Variants in MAP3K1 observed in about 807,000 individuals in gnomAD.
MAP3K1 encodes MAP/ERK kinase kinase 1.
In MAP3K1, 36 loss-of-function variants were observed where a neutral mutation model predicts 144.2. That is an observed-to-expected ratio of 0.25 (90% CI 0.19 to 0.33). The LOEUF (loss-of-function observed/expected upper bound fraction) is 0.33, where lower values mean the gene tolerates loss of function less well. Ranked by LOEUF, MAP3K1 falls within the 10% of genes least tolerant of loss-of-function variation. The pLI, the probability that MAP3K1 is intolerant of heterozygous loss-of-function variation, is 1.00. For missense variants in MAP3K1, 1,650 were observed against 1,881.9 expected, an observed-to-expected ratio of 0.88 and a Z score of 2.28; for synonymous variants, 718 against 688.7, an observed-to-expected ratio of 1.04 and a Z score of -0.67.
intron 1 of MAP3K1, among the ~76,000 whole-genome samples, chr5:56,819,644 G>A (rs1355784939): frequency 6.6e-6 from 1 of 152,090 alleles, no homozygotes; most frequent in African/African-American, 2.4e-5. Flanking sequence ...CATCTTCTTG[G>A]GTTGAGGGCT....
At chr5:56,853,472 A>G (rs1404071265) in intron 1 of MAP3K1, among the ~76,000 whole-genome samples, 3 of 152,204 alleles carry the variant, frequency 2.0e-5, no homozygotes, top group Admixed American at 6.5e-5. Flanking sequence ...GTGATCATTC[A>G]CTTAATATAT....
At chr5:56,852,722 T>G (rs955265309) in intron 1 of MAP3K1, among the ~76,000 whole-genome samples, 4 of 152,196 alleles carry the variant, frequency 2.6e-5, no homozygotes, top group Admixed American at 2.6e-4. Flanking sequence ...TTCTGGGTAA[T>G]GTTTGGCAAA....
intron 6 of MAP3K1, among the ~76,000 whole-genome samples, chr5:56,867,820 G>A (rs1388935895): frequency 1.3e-5 from 2 of 152,152 alleles, no homozygotes; most frequent in Non-Finnish European, 2.9e-5. Context: ...GTTTCTCATA[G>A]TATTATGGTG....
chr5:56,824,116 G>T (rs779135817), intron 1 of MAP3K1, among the ~76,000 whole-genome samples: 1 of 152,084 alleles, frequency 6.6e-6, no homozygotes, highest in Non-Finnish European at 1.5e-5. Flanking sequence ...TTCCATTGAA[G>T]AAAATATTTG....
Position 56,883,518 on chromosome 5 carries a change from A to T in MAP3K1, c.3667-9A>T. ...AACAGTAAAAAGATTGCTTTCGTTT[A>T]ATATGTAGACACCAGAGACTCTACC... On this transcript the variant is annotated splice_polypyrimidine_tract_variant and intron_variant, in intron 14 of 19. Transcript: ENST00000399503. The T allele has an allele frequency of 1.9e-6, 3 of 1,613,460 alleles. No homozygotes were observed. Among genetic ancestry groups the T allele is most frequent in the Non-Finnish European group, 2.5e-6 (3 of 1,179,468 alleles).
At chr5:56,885,044 T>G (rs544348883) in intron 16 of MAP3K1, among the ~76,000 whole-genome samples, 3 of 152,232 alleles carry the variant, frequency 2.0e-5, no homozygotes, top group Non-Finnish European at 4.4e-5. Flanking sequence ...ATTTTTCCAG[T>G]GTGTTTTTAA....
At chr5:56,845,950 G>C (rs43184) in intron 1 of MAP3K1, among the ~76,000 whole-genome samples, 117,683 of 152,158 alleles carry the variant, frequency 0.77, 45,864 homozygotes, top group Non-Finnish European at 0.82. Context: ...GTTTCTCCCC[G>C]CAGGGAGATA....
At chr5:56,872,744 G>T in intron 8 of MAP3K1, 22 bp downstream of exon 8, 1 of 1,590,474 alleles carries the variant, frequency 6.3e-7, no homozygotes, top group South Asian at 1.1e-5. Flanking sequence ...GAAATGATAC[G>T]GATATGTTTA....
At chr5:56,867,481 T>C (rs1302977265) in intron 6 of MAP3K1, among the ~76,000 whole-genome samples, 1 of 151,976 alleles carries the variant, frequency 6.6e-6, no homozygotes, top group East Asian at 1.9e-4. Flanking sequence ...CAATTGAAAA[T>C]GAAGGGCATA....
intron 1 of MAP3K1, among the ~76,000 whole-genome samples, chr5:56,833,768 G>GATTT (rs1426002780): frequency 6.6e-6 from 1 of 151,910 alleles, no homozygotes; most frequent in Non-Finnish European, 1.5e-5. Flanking sequence ...TTCTTGGTTG[G>GATTT]TAATGCCCTT....
chr5:56,829,141 A>G (rs562208585), intron 1 of MAP3K1, among the ~76,000 whole-genome samples: 2 of 152,006 alleles, frequency 1.3e-5, no homozygotes, highest in South Asian at 4.2e-4. Context: ...AATCGTATTC[A>G]CAGAAACCAC....
Position 56,882,191 on chromosome 5 carries a change from T to C in MAP3K1, c.2991T>C (p.Thr997=), listed in dbSNP as rs1243693835. The change falls in exon 14 of 20, where the codon ACT becomes ACC. Residue 997 remains threonine, a synonymous_variant. Coordinates refer to ENST00000399503, the MANE Select transcript of MAP3K1 (RefSeq NM_005921.2). ...CTACCCCATCTGTACCAGCTGGCAC[T>C]GCAACAGATGTCTCTAAGCATAGAC... is the stretch of plus-strand genomic sequence containing the variant. ...SSSTPSVPAG[T]ATDVSKHRLQ... is the part of the protein sequence containing the mutation. 1.9e-6 allele frequency: 3 copies of C among 1,614,158 alleles called. No individual in the cohort carries two copies. The highest frequency in any genetic ancestry group is 1.3e-5 in the African/African-American group (1 of 75,056).
At chr5:56,855,890 G>T (rs1362184595) in intron 1 of MAP3K1, among the ~76,000 whole-genome samples, 1 of 152,120 alleles carries the variant, frequency 6.6e-6, no homozygotes, top group Admixed American at 6.6e-5. Flanking sequence ...ATGTGGATAT[G>T]GGTATATTTT....
intron 10 of MAP3K1, among the ~76,000 whole-genome samples, chr5:56,877,293 CTT>C (rs1243155151): frequency 6.6e-6 from 1 of 152,160 alleles, no homozygotes; most frequent in Non-Finnish European, 1.5e-5. Context: ...CTGTGTTACT[CTT>C]TTTGTACACA....
intron 16 of MAP3K1, among the ~76,000 whole-genome samples, chr5:56,885,063 G>T (rs886321364): frequency 1.3e-5 from 2 of 152,094 alleles, no homozygotes; most frequent in African/African-American, 4.8e-5. Flanking sequence ...AAATGATTGT[G>T]TAGCATTGTT....
chr5:56,875,431 T>G, intron 10 of MAP3K1, 121 bp downstream of exon 10: 1 of 1,005,020 alleles, frequency 1.0e-6, no homozygotes. Flanking sequence ...CCAAATTTTA[T>G]TTTTATTCCA....
At chr5:56,862,215 G>C (rs766231221) in intron 3 of MAP3K1, 1 of 152,288 alleles carries the variant, frequency 6.6e-6, no homozygotes, top group East Asian at 1.9e-4. Flanking sequence ...TTGGGGGGCT[G>C]TTGGCATCTC....
intron 2 of MAP3K1, among the ~76,000 whole-genome samples, chr5:56,859,199 A>AAC (rs113617625): frequency 6.6e-6 from 1 of 151,340 alleles, no homozygotes; most frequent in East Asian, 2.0e-4. Context: ...ATTGTAAAGA[A>AAC]ACACACACAC....
chr5:56,862,896 G>C (rs1747558805), intron 3 of MAP3K1, among the ~76,000 whole-genome samples: 1 of 152,078 alleles, frequency 6.6e-6, no homozygotes, highest in African/African-American at 2.4e-5. Flanking sequence ...TATTCACAGG[G>C]TTGTGTAGCC....
Sources: allele counts gnomAD v4.1 joint callset (sites outside exome capture counted in the v4.1 genomes callset), GRCh38; gene constraint gnomAD v4.1.1; transcripts MANE v1.5; gene names NCBI Gene and HGNC (gene_info 2026-07-23, HGNC 2026-07-21).